ADGRG4: variants seen among roughly 807,000 people sequenced by gnomAD.
ADGRG4 encodes the protein adhesion G protein-coupled receptor G4, also known as G protein-coupled receptor 112.
Under a neutral mutation model 126.2 loss-of-function variants are expected in ADGRG4, and 122 were observed. The ratio of observed to expected loss-of-function variants is 0.97; its 90% CI spans 0.83 to 1.12. The LOEUF (loss-of-function observed/expected upper bound fraction) is 1.12, where lower values mean the gene tolerates loss of function less well. Ranked by LOEUF, ADGRG4 falls within the 50% of genes most tolerant of loss-of-function variation. The pLI, the probability that ADGRG4 is intolerant of heterozygous loss-of-function variation, is 0.00. For synonymous variants in ADGRG4, 943 were observed against 838.7 expected (o/e 1.12, Z -2.15); for missense variants, 2,481 against 2,251.8 (o/e 1.10, Z -2.06).
Position 136,349,042 on chromosome X carries a change from G to C in ADGRG4, c.5336G>C (p.Gly1779Ala), listed in dbSNP as rs770606379. 4 of 1,205,484 alleles carry C rather than the reference G, an allele frequency of 3.3e-6. No individual in the cohort carries two copies. Among genetic ancestry groups the C allele is most frequent in the Non-Finnish European group, 4.5e-6 (4 of 891,533 alleles). Residue 1779 changes from glycine (G) to alanine (A), a missense_variant, in exon 6 of 26, where the codon GGA (glycine) becomes GCA (alanine). Transcript: ENST00000394143. ...CTGACTAGCTTTAAGAGTGCTTCTG[G>C]ACCCACAAAAAATGTTAAAACAACC... ...PSLTSFKSASGPTKNVKTTTN... is the reference protein window; with the variant it reads ...PSLTSFKSASAPTKNVKTTTN...
At chrX:136,351,419 A>G in intron 6 of ADGRG4, 28 bp from the exon 7 acceptor site, 1 of 885,862 alleles carries the variant, frequency 1.1e-6, no homozygotes, top group Non-Finnish European at 1.6e-6. Flanking sequence ...TAAATGAATA[A>G]AATTAACCTC....
intron 13 of ADGRG4, among the ~76,000 whole-genome samples, chrX:136,366,840 G>A (rs2148479085): frequency 9.0e-6 from 1 of 110,940 alleles, no homozygotes; most frequent in African/African-American, 3.3e-5. Flanking sequence ...CTCCTTTGGT[G>A]AGGTGTATTC....
At chrX:136,400,739 G>T (rs2075375246) in intron 21 of ADGRG4, among the ~76,000 whole-genome samples, 1 of 112,258 alleles carries the variant, frequency 8.9e-6, no homozygotes, top group Non-Finnish European at 1.9e-5. Context: ...GCCAGAACCT[G>T]ATTCTCATCA....
At chrX:136,381,745 A>T (rs1277022255) in intron 15 of ADGRG4, among the ~76,000 whole-genome samples, 1 of 111,130 alleles carries the variant, frequency 9.0e-6, no homozygotes, top group Admixed American at 9.7e-5. Context: ...GTATTAACTT[A>T]CATGATCACA....
rs1349433665 is a variant in ADGRG4, at chrX:136,348,039, C to A, written c.4333C>A (p.Gln1445Lys). The change falls in exon 6 of 26, where the codon CAA becomes AAA. Residue 1445 changes from glutamine (Q) to lysine (K), a missense_variant. Physicochemically the swap from Gln to Lys is moderately conservative, Grantham distance 53 (BLOSUM62 1). Transcript: ENST00000394143. ...TTCACACTTGCATTCACTTAGGACA[C>A]AACCTGAGGTGACTTCAGTTGCCTC... ...TFSHLHSLRT[Q>K]PEVTSVASFI... 1.7e-6 allele frequency: 2 copies of A among 1,209,846 alleles called. No individual in the cohort carries two copies. The highest frequency in any genetic ancestry group is 2.2e-6 in the Non-Finnish European group (2 of 893,778).
At chrX:136,411,525 A>G (rs2075446345) in intron 23 of ADGRG4, among the ~76,000 whole-genome samples, 1 of 112,892 alleles carries the variant, frequency 8.9e-6, no homozygotes, top group African/African-American at 3.2e-5. Flanking sequence ...TGGTGTCATT[A>G]TGCCAAAAAG....
At chrX:136,331,877 T>A (rs1240027461) in intron 5 of ADGRG4, among the ~76,000 whole-genome samples, 12 of 105,910 alleles carry the variant, frequency 1.1e-4, no homozygotes, top group African/African-American at 4.1e-4. Context: ...AATGCAGTGG[T>A]GCGATCTCGG....
At chrX:136,301,876 A>G (rs962733295) in intron 1 of ADGRG4, among the ~76,000 whole-genome samples, 1 of 111,958 alleles carries the variant, frequency 8.9e-6, no homozygotes, top group African/African-American at 3.3e-5. Flanking sequence ...AGGTTTGTCA[A>G]AGATCAGATA....
chrX:136,344,110 C>T (rs1054450282), intron 5 of ADGRG4, among the ~76,000 whole-genome samples: 3 of 111,732 alleles, frequency 2.7e-5, no homozygotes, highest in African/African-American at 9.8e-5. Context: ...TTAATCAATG[C>T]ACTACTGTGG....
At chrX:136,384,349 T>C (rs926046554) in intron 15 of ADGRG4, among the ~76,000 whole-genome samples, 1 of 112,146 alleles carries the variant, frequency 8.9e-6, no homozygotes, top group Non-Finnish European at 1.9e-5. Context: ...TTATACCCCC[T>C]GTTTTTTATG....
chrX:136,359,827 T>C (rs1258311687), intron 11 of ADGRG4, among the ~76,000 whole-genome samples: 2 of 111,985 alleles, frequency 1.8e-5, no homozygotes, highest in Non-Finnish European at 3.8e-5. Flanking sequence ...TCAGCCATCT[T>C]ATTCATCTTG....
At chrX:136,371,610 T>C (rs2075194919) in intron 14 of ADGRG4, 66 bp downstream of exon 14, 2 of 591,251 alleles carry the variant, frequency 3.4e-6, no homozygotes, top group South Asian at 8.7e-5. Context: ...CGGCCCTCTG[T>C]ATCTGTGCAT....
At chrX:136,408,917 G>A (rs1015036132) in intron 23 of ADGRG4, among the ~76,000 whole-genome samples, 1 of 111,025 alleles carries the variant, frequency 9.0e-6, no homozygotes, top group African/African-American at 3.3e-5. Flanking sequence ...GAGCCAAGCT[G>A]TCTCTGTCTG....
chrX:136,348,338 T>C lies in ADGRG4; in HGVS notation c.4632T>C (p.His1544=). ...IVITKSSKTM[H]PGCLKSPCTA... Reference sequence around the variant, plus strand: ...TAACTAAATCTTCTAAAACAATGCATCCAGGTTGTTTGAAAAGTCCCTGTA... The same window carrying C: ...TAACTAAATCTTCTAAAACAATGCACCCAGGTTGTTTGAAAAGTCCCTGTA... The change falls in exon 6 of 26, where the codon CAT becomes CAC. Residue 1544 remains histidine (H), a synonymous_variant. Transcript: ENST00000394143. 8.3e-7 allele frequency: 1 copy of C among 1,209,722 alleles called. No individual in the cohort carries two copies. The highest frequency in any genetic ancestry group is 1.8e-5 in the South Asian group (1 of 56,859).
chrX:136,383,503 T>C (rs2075274276), intron 15 of ADGRG4, among the ~76,000 whole-genome samples: 1 of 112,147 alleles, frequency 8.9e-6, no homozygotes, highest in Non-Finnish European at 1.9e-5. Flanking sequence ...TATGTATGTA[T>C]ATTTTATATT....
rs192326578 is a variant in ADGRG4, at chrX:136,408,910, C to G, written c.8935+2938C>G. ...TCCCATAGATCCAGCACCAAAAGAG[C>G]CAAGCTGTCTCTGTCTGTCAGATAT... On this transcript the variant is annotated intron_variant, in intron 23 of 25. Transcript: ENST00000394143. Among the ~76,000 whole-genome samples the G allele has an allele frequency of 9.0e-5, 10 of 111,125 alleles. No homozygotes were observed. In the East Asian group the frequency reaches 2.8e-3, roughly 31 times the overall value.
chrX:136,336,596 C>A (rs2074949729), intron 5 of ADGRG4, among the ~76,000 whole-genome samples: 1 of 111,462 alleles, frequency 9.0e-6, no homozygotes, highest in Non-Finnish European at 1.9e-5. Flanking sequence ...TATGTAGTGT[C>A]CTTTCTTGAG....
rs2075476564 is a variant in ADGRG4 at position 136,416,537 on chromosome X, G to A, written c.*46G>A. On this transcript the variant is annotated 3_prime_UTR_variant, in exon 26 of 26. Coordinates refer to ENST00000394143, the MANE Select transcript of ADGRG4 (RefSeq NM_153834.4). ...TATGTAAAAAGAATATAATACCTGT[G>A]GAAATAAAAATGAATTCCAAGTGTA... 12 of 1,038,882 alleles carry A rather than the reference G, an allele frequency of 1.2e-5. No individual in the cohort carries two copies. Among genetic ancestry groups the A allele is most frequent in the Non-Finnish European group, 1.6e-5 (12 of 748,781 alleles). The allele number at this position is 1,038,882 out of a possible 1,213,427, so 85.6% of individuals were successfully genotyped here.
chrX:136,324,631 A>G (rs1287911852), intron 5 of ADGRG4, among the ~76,000 whole-genome samples: 1 of 111,604 alleles, frequency 9.0e-6, no homozygotes, highest in African/African-American at 3.3e-5. Flanking sequence ...ATTTTATTCA[A>G]TGGGTTACAA....
Sources: gnomAD v4.1 joint callset for allele counts (sites outside exome capture counted in the v4.1 genomes callset) on GRCh38, gnomAD v4.1.1 for gene constraint, MANE v1.5 for transcripts, NCBI Gene and HGNC (gene_info 2026-07-23, HGNC 2026-07-21) for gene names.